Variants in HIVEP3 observed in about 807,000 individuals in gnomAD.
HIVEP3 encodes HIVEP zinc finger 3.
Under a neutral mutation model 152.8 loss-of-function variants are expected in HIVEP3, and 49 were observed. The ratio of observed to expected loss-of-function variants is 0.32; its 90% CI spans 0.26 to 0.41. The LOEUF (loss-of-function observed/expected upper bound fraction) is 0.41. Among genes scored for constraint, HIVEP3 ranks in the 10% least tolerant of loss-of-function variants. The probability of loss-of-function intolerance (pLI) is 1.00; values close to 1 mark genes in which losing one functional copy is unlikely to be tolerated. For missense variants in HIVEP3, 2,790 were observed against 3,103.3 expected (o/e 0.90, Z 2.40); for synonymous variants, 1,269 against 1,289.0 (o/e 0.98, Z 0.33).
chr1:41,822,330 T>C (rs1388460273), intron 1 of HIVEP3, among the ~76,000 whole-genome samples: 1 of 152,184 alleles, frequency 6.6e-6, no homozygotes, highest in Non-Finnish European at 1.5e-5. Context: ...CCTGGCACAG[T>C]GTCACTTCCT....
chr1:41,875,587 A>C (rs1024676144), intron 1 of HIVEP3, among the ~76,000 whole-genome samples: 3 of 152,242 alleles, frequency 2.0e-5, no homozygotes, highest in Admixed American at 6.5e-5. Context: ...TGCTCTAGAC[A>C]GGGCTGCTCT....
At chr1:41,630,569 C>T (rs1645180396) in intron 2 of HIVEP3, among the ~76,000 whole-genome samples, 1 of 152,192 alleles carries the variant, frequency 6.6e-6, no homozygotes, top group Non-Finnish European at 1.5e-5. Flanking sequence ...CCGCAGCTTC[C>T]AGGAGCTGAC....
chr1:41,660,207 G>C (rs886362375), intron 2 of HIVEP3, among the ~76,000 whole-genome samples: 2 of 152,154 alleles, frequency 1.3e-5, no homozygotes, highest in Non-Finnish European at 2.9e-5. Flanking sequence ...GCATGTGTGA[G>C]AGATGACTGT....
intron 1 of HIVEP3, among the ~76,000 whole-genome samples, chr1:41,909,980 A>G (rs1644770837): frequency 6.6e-6 from 1 of 152,026 alleles, no homozygotes; most frequent in African/African-American, 2.4e-5. Flanking sequence ...CAATGCTCAT[A>G]ATGGGGAAAA....
intron 1 of HIVEP3, among the ~76,000 whole-genome samples, chr1:41,798,346 G>A (rs1021571529): frequency 2.0e-5 from 3 of 150,792 alleles, no homozygotes; most frequent in African/African-American, 4.9e-5. Flanking sequence ...AATCCAAATC[G>A]TGGTCCCTTG....
intron 3 of HIVEP3, among the ~76,000 whole-genome samples, chr1:41,611,121 A>C (rs1644891133): frequency 6.6e-6 from 1 of 152,170 alleles, no homozygotes; most frequent in African/African-American, 2.4e-5. Flanking sequence ...TGTATGTTAC[A>C]CTCCTGTTCT....
At chr1:41,568,810 C>A (rs915428056) in intron 5 of HIVEP3, among the ~76,000 whole-genome samples, 1 of 152,206 alleles carries the variant, frequency 6.6e-6, no homozygotes, top group Admixed American at 6.5e-5. Context: ...TCAGAAGATG[C>A]CTTTCCCCAC....
At chr1:41,678,946 G>A (rs1321581652) in intron 2 of HIVEP3, among the ~76,000 whole-genome samples, 1 of 152,244 alleles carries the variant, frequency 6.6e-6, no homozygotes, top group African/African-American at 2.4e-5. Flanking sequence ...GTCAGGGTCT[G>A]GCAATCAAGA....
At chr1:41,563,076 A>AG (rs200504852) in intron 5 of HIVEP3, among the ~76,000 whole-genome samples, 3,579 of 152,188 alleles carry the variant, frequency 0.024, 154 homozygotes, top group African/African-American at 0.081. Flanking sequence ...GGTCGGGCGC[A>AG]TGGCTTATGC....
At chr1:41,902,016 C>T (rs542560009) in intron 1 of HIVEP3, among the ~76,000 whole-genome samples, 12 of 151,996 alleles carry the variant, frequency 7.9e-5, no homozygotes, top group African/African-American at 2.9e-4. Context: ...GAAACAGAAG[C>T]AGAGTAAAGT....
chr1:41,527,258 C>CTCACACCT (rs1558029301), intron 5 of HIVEP3, among the ~76,000 whole-genome samples: 1 of 130,512 alleles, frequency 7.7e-6, no homozygotes, highest in Admixed American at 7.7e-5. Context: ...CACACACACC[C>CTCACACCT]TCACATGCTC....
At chr1:41,851,555 C>G (rs755902339) in intron 1 of HIVEP3, among the ~76,000 whole-genome samples, 1 of 152,014 alleles carries the variant, frequency 6.6e-6, no homozygotes, top group Non-Finnish European at 1.5e-5. Flanking sequence ...CCAGCCTCGG[C>G]CTCCCAAAGT....
At chr1:41,572,820 T>C (rs1025404895) in intron 5 of HIVEP3, among the ~76,000 whole-genome samples, 3 of 152,258 alleles carry the variant, frequency 2.0e-5, no homozygotes, top group Non-Finnish European at 4.4e-5. Flanking sequence ...TGTATCAACA[T>C]GGATGCACGT....
At chr1:41,855,337 C>A (rs1380222375) in intron 1 of HIVEP3, among the ~76,000 whole-genome samples, 2 of 152,138 alleles carry the variant, frequency 1.3e-5, no homozygotes, top group African/African-American at 4.8e-5. Flanking sequence ...CAACAAAAGA[C>A]AAAATTGACA....
chr1:41,574,195 G>C (rs61773674), intron 5 of HIVEP3, among the ~76,000 whole-genome samples: 2 of 152,032 alleles, frequency 1.3e-5, no homozygotes, highest in Non-Finnish European at 2.9e-5. Flanking sequence ...AGGGCCAGTC[G>C]CTGTGAGCAG....
chr1:41,583,490 G>A lies in HIVEP3; in HGVS notation c.1308C>T (p.Ser436=), dbSNP rs745574330. Residue 436 remains serine, a synonymous_variant, in exon 4 of 9, where the codon TCC becomes TCT. Transcript: ENST00000372583. The surrounding 1 kb of genome is among the most constrained non-coding windows in gnomAD (Gnocchi z 6.9). The part of the protein sequence containing the change: ...GQRTAMLTAT[S]TQPLLPLSTE... ...TGGACAGGGGCAGGAGGGGCTGGGTGGAGGTGGCTGTCAGCATGGCGGTCC... is the reference window on the plus strand; with the variant it reads ...TGGACAGGGGCAGGAGGGGCTGGGTAGAGGTGGCTGTCAGCATGGCGGTCC... 25 of 1,613,832 alleles carry A rather than the reference G, an allele frequency of 1.5e-5. No individual in the cohort carries two copies. The Admixed American group carries it at 1.8e-4, about 12-fold the overall frequency.
At chr1:41,845,470 C>T (rs765529596) in intron 1 of HIVEP3, among the ~76,000 whole-genome samples, 70 of 149,404 alleles carry the variant, frequency 4.7e-4, no homozygotes, top group Non-Finnish European at 6.5e-4. Flanking sequence ...CCTCTTTCTG[C>T]CCTTTTCTCT....
chr1:41,586,466 C>G (rs780547305), intron 3 of HIVEP3, among the ~76,000 whole-genome samples: 8 of 151,088 alleles, frequency 5.3e-5, no homozygotes, highest in Non-Finnish European at 8.9e-5. Flanking sequence ...AGCCCCTTCT[C>G]AGGTGTCCAT....
chr1:41,877,482 T>C (rs1294946882), intron 1 of HIVEP3, among the ~76,000 whole-genome samples: 2 of 152,196 alleles, frequency 1.3e-5, no homozygotes, highest in Non-Finnish European at 2.9e-5. Context: ...ACAAAAACCA[T>C]ATTTGTGAAT....
Sources: allele counts gnomAD v4.1 joint callset (sites outside exome capture counted in the v4.1 genomes callset), GRCh38; gene constraint gnomAD v4.1.1; non-coding constraint Gnocchi (gnomAD v3.1); transcripts MANE v1.5; gene names NCBI Gene and HGNC (gene_info 2026-07-23, HGNC 2026-07-21).